Variants in SERAC1 observed in about 807,000 individuals in gnomAD.
The protein encoded by SERAC1 is protein SERAC1.
A neutral mutation model predicts 85.7 loss-of-function variants in SERAC1; 36 were observed. That is an observed-to-expected ratio of 0.42 (90% confidence interval 0.32 to 0.55). SERAC1 has a LOEUF of 0.55. SERAC1 is among the 20% of genes least tolerant of loss of function. The pLI is 0.11. For synonymous variants in SERAC1, 242 were observed against 265.3 expected (o/e 0.91, Z 0.85); for missense variants, 629 against 796.2 (o/e 0.79, Z 2.53).
chr6:158,113,295 A>T, intron 16 of SERAC1, 154 bp downstream of exon 16: 1 of 613,846 alleles, frequency 1.6e-6, no homozygotes, highest in Non-Finnish European at 2.8e-6. Context: ...GAGAAATTTT[A>T]ATCTATTGCT....
Position 158,114,833 on chromosome 6 carries a change from C to T in SERAC1, c.1640G>A (p.Arg547His), listed in dbSNP as rs756639108. The T allele has an allele frequency of 1.1e-5, 17 of 1,606,800 alleles. No individual in the cohort carries two copies. The highest frequency in any genetic ancestry group is 5.5e-5 in the African/African-American group (4 of 72,708). ...SRLAEYSVNIRYLLFPSLEVK... is the reference protein window; with the variant it reads ...SRLAEYSVNIHYLLFPSLEVK... Reference sequence around the variant, plus strand: ...TTCCAACGAGGGGAAGAGAAGATAGCGAATATTAACAGAGTATTCAGCCAA... The same window carrying T: ...TTCCAACGAGGGGAAGAGAAGATAGTGAATATTAACAGAGTATTCAGCCAA... The change falls in exon 15 of 17, where the codon CGC becomes CAC. Residue 547 changes from arginine to histidine, a missense_variant. Coordinates refer to ENST00000647468, the MANE Select transcript of SERAC1 (RefSeq NM_032861.4).
chr6:158,113,359 G>A (rs1784192407), intron 16 of SERAC1, 90 bp downstream of exon 16: 3 of 1,032,572 alleles, frequency 2.9e-6, no homozygotes, highest in South Asian at 3.1e-5. Context: ...TCTTAAAACT[G>A]AGAACCTGGA....
intron 1 of SERAC1, chr6:158,160,895 A>T (rs2128425639): frequency 1.3e-5 from 2 of 152,312 alleles, no homozygotes; most frequent in Middle Eastern, 6.8e-3. Flanking sequence ...CAGTCAACCT[A>T]AATATTTACC....
At position 158,120,042 on chromosome 6, in the gene SERAC1, T is replaced by C. The variant is rs926161099; in HGVS notation, c.1166+383A>G. Among the ~76,000 whole-genome samples the C allele has an allele frequency of 6.6e-6, 1 of 152,206 alleles. No individual in the cohort carries two copies. Among genetic ancestry groups the C allele is most frequent in the Admixed American group, 6.5e-5 (1 of 15,276 alleles). ...GGCCCAGGCTAATTTGGTTGCCACA[T>C]AAGACAATGTCTTATCTCCTTCCTA... On this transcript the variant is annotated intron_variant, in intron 11 of 16. Transcript: ENST00000647468. This position sits in a 1 kb window ranked among gnomAD's most constrained non-coding sequence, Gnocchi z 4.4.
intron 7 of SERAC1, 145 bp from the exon 8 acceptor site, chr6:158,143,329 C>T: frequency 4.6e-6 from 1 of 219,428 alleles, no homozygotes; most frequent in East Asian, 5.5e-5. Context: ...CTCTCTCTCT[C>T]TCTCTCTCTC....
chr6:158,113,553 T>G lies in SERAC1; in HGVS notation c.1724A>C (p.Glu575Ala), dbSNP rs1400027559. 6.2e-7 allele frequency: 1 copy of G among 1,613,798 alleles called. No homozygotes were observed. Among genetic ancestry groups the G allele is most frequent in the Admixed American group, 1.7e-5 (1 of 60,010 alleles). Residue 575 changes from glutamate to alanine, a missense_variant, in exon 16 of 17, where the codon GAG becomes GCG. Coordinates refer to ENST00000647468, the MANE Select transcript of SERAC1 (RefSeq NM_032861.4). ...ALKTLQDDFL[E>A]FAKDKNFQVL... ...CTGGAAGTTTTTGTCTTTAGCAAAC[T>G]CCAGAAAGTCATCTTGTAGTGTTTT... is the stretch of plus-strand genomic sequence containing the variant.
At chr6:158,155,272 G>A in intron 3 of SERAC1, 43 bp downstream of exon 3, 1 of 1,350,394 alleles carries the variant, frequency 7.4e-7, no homozygotes. Context: ...ATTTCCAATA[G>A]AGTATAATGA....
At position 158,111,179 on chromosome 6, in the gene SERAC1, G is replaced by T; in HGVS notation, c.*187C>A. 2.2e-6 allele frequency: 1 copy of T among 454,278 alleles called. No individual in the cohort carries two copies. Among genetic ancestry groups the T allele is most frequent in the Non-Finnish European group, 3.8e-6 (1 of 266,350 alleles). The allele number at this position is 454,278 out of a possible 1,614,324, so 28.1% of individuals were successfully genotyped here. The stretch of plus-strand genomic sequence containing the variant: ...CAATCCAGCCCTTCCTTCTGTGCCT[G>T]CCACTTCCGGGTTGGTGCTTTACAG... On this transcript the variant is annotated 3_prime_UTR_variant, in exon 17 of 17. Transcript: ENST00000647468.
intron 10 of SERAC1, among the ~76,000 whole-genome samples, chr6:158,121,124 A>G (rs1784411908): frequency 6.6e-6 from 1 of 152,124 alleles, no homozygotes. Flanking sequence ...TATCTATGCT[A>G]TGATTTCTTT....
intron 6 of SERAC1, 99 bp from the exon 7 acceptor site, chr6:158,144,519 A>ACTG: frequency 8.7e-7 from 1 of 1,147,970 alleles, no homozygotes; most frequent in Non-Finnish European, 1.2e-6. Flanking sequence ...TAATTTTTAA[A>ACTG]CTGCTCTGCA....
At chr6:158,141,517 G>A (rs190295915) in intron 8 of SERAC1, among the ~76,000 whole-genome samples, 4 of 152,288 alleles carry the variant, frequency 2.6e-5, no homozygotes, top group East Asian at 1.9e-4. Context: ...GTTCTGCTCC[G>A]TCACTTAGGT....
chr6:158,157,109 G>C (rs1302792501), intron 2 of SERAC1, among the ~76,000 whole-genome samples: 1 of 151,304 alleles, frequency 6.6e-6, no homozygotes, highest in African/African-American at 2.4e-5. Context: ...CGATCCTCCT[G>C]CCTCAGCTTC....
chr6:158,143,398 A>C (rs1784979015), intron 7 of SERAC1, among the ~76,000 whole-genome samples: 1 of 151,664 alleles, frequency 6.6e-6, no homozygotes, highest in African/African-American at 2.4e-5. Context: ...TATATATGAT[A>C]TAGAGATCTA....
In SERAC1 at chr6:158,144,434, A is replaced by T; in HGVS notation, c.488-14T>A. On this transcript the variant is annotated splice_polypyrimidine_tract_variant and intron_variant, in intron 6 of 16. Transcript: ENST00000647468. ...TATACTGGTAATCTATTGAAAAAGC[A>T]TTTTCTTTTGTTAATACCAAAACTA... is the stretch of plus-strand genomic sequence containing the variant. 2 of 1,551,358 alleles carry T rather than the reference A, an allele frequency of 1.3e-6. No individual in the cohort carries two copies. The highest frequency in any genetic ancestry group is 1.7e-6 in the Non-Finnish European group (2 of 1,144,900).
chr6:158,153,071 T>A (rs897876057), intron 3 of SERAC1, among the ~76,000 whole-genome samples: 2 of 152,250 alleles, frequency 1.3e-5, no homozygotes, highest in Non-Finnish European at 2.9e-5. Context: ...CCCTCCCGGA[T>A]AATGATCTGT....
At chr6:158,128,380 ATGCAGGG>A (rs1784596331) in intron 9 of SERAC1, 110 bp from the exon 10 acceptor site, 3 of 959,900 alleles carry the variant, frequency 3.1e-6, no homozygotes, top group Admixed American at 4.7e-5. Context: ...AAGGGCAGGG[ATGCAGGG>A]AGACTCCTCA....
chr6:158,131,828 T>C (rs1784684885), intron 8 of SERAC1, among the ~76,000 whole-genome samples: 1 of 152,214 alleles, frequency 6.6e-6, no homozygotes, highest in Non-Finnish European at 1.5e-5. Flanking sequence ...AACCAGCTAA[T>C]ATTTATCAAT....
At chr6:158,124,784 C>G (rs12189896) in intron 10 of SERAC1, among the ~76,000 whole-genome samples, 1 of 126,242 alleles carries the variant, frequency 7.9e-6, no homozygotes, top group Non-Finnish European at 1.7e-5. Flanking sequence ...CACACACACA[C>G]ACACATACAC....
In SERAC1 at chr6:158,114,947, A is replaced by G. The variant is rs767916436; in HGVS notation, c.1526T>C (p.Leu509Ser). The change falls in exon 15 of 17, where the codon TTG becomes TCG. Residue 509 changes from leucine to serine, a missense_variant. Leu to Ser is a moderately radical substitution (Grantham distance 145, BLOSUM62 -2). Coordinates refer to ENST00000647468, the MANE Select transcript of SERAC1 (RefSeq NM_032861.4). ...CATTTCTGGCTTCGTAGAGGCTTCC[A>G]ACAGCATCTTTTTGACAAGAAGACC... ...MGGLLVKKMLLEASTKPEMST... is the reference protein window; with the variant it reads ...MGGLLVKKMLSEASTKPEMST... The G allele has an allele frequency of 6.2e-7, 1 of 1,612,084 alleles. No individual in the cohort carries two copies. The highest frequency in any genetic ancestry group is 8.5e-7 in the Non-Finnish European group (1 of 1,179,290).
Sources: allele counts gnomAD v4.1 joint callset (sites outside exome capture counted in the v4.1 genomes callset), GRCh38; gene constraint gnomAD v4.1.1; non-coding constraint Gnocchi (gnomAD v3.1); transcripts MANE v1.5; gene names NCBI Gene and HGNC (gene_info 2026-07-23, HGNC 2026-07-21).